The following ANKRD12 variants were observed in gnomAD, a reference collection of about 807,000 sequenced individuals.
ANKRD12 encodes ankyrin repeat domain 12, also known as ankyrin repeat domain-containing protein 12.
Under a neutral mutation model 183.4 loss-of-function variants are expected in ANKRD12, and 85 were observed. The observed-to-expected ratio is 0.46, with a 90% confidence interval of 0.39 to 0.56. The LOEUF (loss-of-function observed/expected upper bound fraction) is 0.56. Ranked by LOEUF, ANKRD12 falls within the 20% of genes least tolerant of loss-of-function variation. The probability of loss-of-function intolerance (pLI) is 0.00; values close to 1 mark genes in which losing one functional copy is unlikely to be tolerated. For synonymous variants in ANKRD12, 914 were observed against 800.2 expected (o/e 1.14, Z -2.40); for missense variants, 2,405 against 2,357.1 (o/e 1.02, Z -0.42).
intron 12 of ANKRD12, 112 bp from the exon 13 acceptor site, chr18:9,280,829 T>C (rs544766935): frequency 3.2e-6 from 3 of 940,556 alleles, no homozygotes; most frequent in South Asian, 3.1e-5. Flanking sequence ...TCAAATGCTT[T>C]TTATGCTCCT....
chr18:9,194,729 A>T (rs2034668514), intron 2 of ANKRD12, among the ~76,000 whole-genome samples: 1 of 152,208 alleles, frequency 6.6e-6, no homozygotes, highest in Non-Finnish European at 1.5e-5. Context: ...TTACATATTC[A>T]TTGGCGCTAC....
intron 9 of ANKRD12, among the ~76,000 whole-genome samples, chr18:9,262,095 T>G (rs1270624739): frequency 6.6e-6 from 1 of 152,216 alleles, no homozygotes; most frequent in African/African-American, 2.4e-5. Flanking sequence ...TTCAACTGAT[T>G]GAGTCTTTGT....
intron 2 of ANKRD12, among the ~76,000 whole-genome samples, chr18:9,184,659 C>T (rs1025070321): frequency 2.0e-5 from 3 of 152,054 alleles, no homozygotes; most frequent in Non-Finnish European, 4.4e-5. Context: ...GTGTGAGCCA[C>T]CACACCCTGG....
chr18:9,166,068 G>A (rs2032028409), intron 1 of ANKRD12, among the ~76,000 whole-genome samples: 1 of 152,094 alleles, frequency 6.6e-6, no homozygotes, highest in East Asian at 1.9e-4. Context: ...TTTTATGGCT[G>A]CATAGTATTC....
At chr18:9,157,997 C>T (rs1404540430) in intron 1 of ANKRD12, among the ~76,000 whole-genome samples, 1 of 152,140 alleles carries the variant, frequency 6.6e-6, no homozygotes, top group Non-Finnish European at 1.5e-5. Context: ...GAGATAAAGG[C>T]TGTGAGTGAC....
At chr18:9,195,778 T>C in intron 3 of ANKRD12, 80 bp downstream of exon 3, 1 of 1,269,484 alleles carries the variant, frequency 7.9e-7, no homozygotes, top group Non-Finnish European at 1.1e-6. Context: ...CCACTCCTCT[T>C]GACACCCCAG....
At chr18:9,220,115 CTTTA>C (rs1234996566) in intron 7 of ANKRD12, among the ~76,000 whole-genome samples, 3 of 151,980 alleles carry the variant, frequency 2.0e-5, no homozygotes, top group Non-Finnish European at 2.9e-5. Context: ...AAGTTTTTTT[CTTTA>C]TTCATTGTGA....
At chr18:9,160,361 C>T (rs773639136) in intron 1 of ANKRD12, among the ~76,000 whole-genome samples, 6 of 152,246 alleles carry the variant, frequency 3.9e-5, no homozygotes, top group Non-Finnish European at 8.8e-5. Context: ...GATCCTCCTA[C>T]CTTGGGCTTC....
At chr18:9,215,846 C>T (rs1173346401) in intron 6 of ANKRD12, among the ~76,000 whole-genome samples, 2 of 151,990 alleles carry the variant, frequency 1.3e-5, no homozygotes, top group Non-Finnish European at 2.9e-5. Flanking sequence ...AAATATGGAT[C>T]TTGGAGAAAT....
chr18:9,154,216 G>A (rs1022049124), intron 1 of ANKRD12, among the ~76,000 whole-genome samples: 1 of 152,180 alleles, frequency 6.6e-6, no homozygotes, highest in African/African-American at 2.4e-5. Flanking sequence ...GAGCCCAGCA[G>A]TTCAAGACCA....
Position 9,255,410 on chromosome 18 carries a change from C to T in ANKRD12, c.2143C>T (p.His715Tyr), listed in dbSNP as rs1308947821. 2.5e-6 allele frequency: 4 copies of T among 1,578,816 alleles called. No homozygotes were observed. The highest frequency in any genetic ancestry group is 3.4e-6 in the Non-Finnish European group (4 of 1,169,928). Residue 715 changes from histidine to tyrosine, a missense_variant, in exon 9 of 13, where the codon CAT becomes TAT. His to Tyr is a moderately conservative substitution (Grantham distance 83). Around this residue, in one of 7 missense-constraint regions of ANKRD12, gnomAD observed 1,983 missense variants for 1,725.9 expected, o/e 1.15. Coordinates refer to ENST00000262126, the MANE Select transcript of ANKRD12 (RefSeq NM_015208.5). ...TGAAGATCTCTTTTTAAATATGGAA[C>T]ATGAATCCTTAACATTAGAAAAAAA... Reference protein sequence around the residue: ...ETEDLFLNMEHESLTLEKKSK... With the variant: ...ETEDLFLNMEYESLTLEKKSK...
At position 9,187,242 on chromosome 18, in the gene ANKRD12, AC is replaced by A. The variant is rs370122824; in HGVS notation, c.87+4728del. ...GGAGTTCAAGACCAGCCTGGGCAAGACCCCCGTCTCTACCAAAAAAAAAAAA... is the reference window on the plus strand; with the variant it reads ...GGAGTTCAAGACCAGCCTGGGCAAGACCCCGTCTCTACCAAAAAAAAAAAA... On this transcript the variant is annotated intron_variant, in intron 2 of 12. Transcript: ENST00000262126. Among the ~76,000 whole-genome samples the A allele has an allele frequency of 2.8e-4, 42 of 149,782 alleles. No homozygotes were observed. The East Asian group carries it at 6.9e-3, about 24-fold the overall frequency.
intron 6 of ANKRD12, among the ~76,000 whole-genome samples, chr18:9,214,169 T>A (rs1393058642): frequency 3.9e-5 from 6 of 151,950 alleles, no homozygotes; most frequent in African/African-American, 7.2e-5. Flanking sequence ...TAGGAAAAAA[T>A]TAAATACATT....
At chr18:9,182,933 T>C (rs2033804236) in intron 2 of ANKRD12, among the ~76,000 whole-genome samples, 1 of 152,230 alleles carries the variant, frequency 6.6e-6, no homozygotes, top group South Asian at 2.1e-4. Flanking sequence ...TCTCTGGTTT[T>C]ATACATTGTC....
intron 1 of ANKRD12, among the ~76,000 whole-genome samples, chr18:9,180,936 T>A (rs908404803): frequency 6.6e-6 from 1 of 152,198 alleles, no homozygotes. Context: ...TTATATGTAT[T>A]GTATAGCTCA....
chr18:9,207,875 A>G (rs751162263), intron 4 of ANKRD12, among the ~76,000 whole-genome samples: 2 of 152,152 alleles, frequency 1.3e-5, no homozygotes, highest in East Asian at 3.9e-4. Context: ...AGAAAAGACA[A>G]ACATCTGTAT....
intron 2 of ANKRD12, among the ~76,000 whole-genome samples, chr18:9,193,186 G>A (rs904805059): frequency 1.8e-4 from 26 of 141,608 alleles, no homozygotes; most frequent in Non-Finnish European, 2.1e-4. Context: ...TGTCCAGCCT[G>A]GAGCACAGTG....
intron 1 of ANKRD12, among the ~76,000 whole-genome samples, chr18:9,138,545 C>A (rs1157425651): frequency 1.3e-5 from 2 of 151,730 alleles, no homozygotes; most frequent in Admixed American, 1.3e-4. Context: ...AACAAACAAA[C>A]AAAAAAACAT....
At chr18:9,246,299 C>T (rs1006666708) in intron 8 of ANKRD12, among the ~76,000 whole-genome samples, 1 of 152,132 alleles carries the variant, frequency 6.6e-6, no homozygotes. Flanking sequence ...ATATTTTACA[C>T]AAATAACTGT....
Sources: gnomAD v4.1 joint callset for allele counts (sites outside exome capture counted in the v4.1 genomes callset) on GRCh38, gnomAD v4.1.1 for gene constraint, gnomAD v4.1.1 regional missense constraint, MANE v1.5 for transcripts, NCBI Gene and HGNC (gene_info 2026-07-23, HGNC 2026-07-21) for gene names.